WWC1: variants seen among roughly 807,000 people sequenced by gnomAD.
The protein encoded by WWC1 is protein KIBRA.
WWC1 carries 55 observed loss-of-function variants against 138.4 expected under a neutral mutation model. That is an observed-to-expected ratio of 0.40 (90% CI 0.32 to 0.50). WWC1 has a LOEUF of 0.50. Ranked by LOEUF, WWC1 falls within the 20% of genes least tolerant of loss-of-function variation. The pLI, the probability that WWC1 is intolerant of heterozygous loss-of-function variation, is 0.72. For missense variants in WWC1, 1,226 were observed against 1,420.4 expected (o/e 0.86, Z 2.20); for synonymous variants, 524 against 564.9 (o/e 0.93, Z 1.03).
At chr5:168,326,033 C>G (rs1772503826) in intron 1 of WWC1, among the ~76,000 whole-genome samples, 1 of 152,020 alleles carries the variant, frequency 6.6e-6, no homozygotes, top group Non-Finnish European at 1.5e-5. Context: ...ATGTTGATAT[C>G]ACATTTTGCT....
At chr5:168,412,723 G>GA (rs1341780423) in intron 8 of WWC1, among the ~76,000 whole-genome samples, 4 of 151,392 alleles carry the variant, frequency 2.6e-5, no homozygotes, top group African/African-American at 7.3e-5. Flanking sequence ...AAGTATCCAG[G>GA]AAAAAAAATT....
At chr5:168,300,950 C>T (rs1027590567) in intron 1 of WWC1, among the ~76,000 whole-genome samples, 4 of 152,190 alleles carry the variant, frequency 2.6e-5, no homozygotes, top group African/African-American at 7.2e-5. Context: ...CTTGGAGAGT[C>T]GGGCTGTGAG....
At chr5:168,428,681 ACTC>A (rs1196127926) in intron 12 of WWC1, 23 bp from the exon 13 acceptor site, 7 of 1,612,284 alleles carry the variant, frequency 4.3e-6, no homozygotes, top group Non-Finnish European at 5.9e-6. Context: ...GGGAAGCCTA[ACTC>A]CTCCTCCCCT....
rs566533175 is a variant in WWC1 at position 168,391,319 on chromosome 5, G to A, written c.433+5905G>A. On this transcript the variant is annotated intron_variant, in intron 3 of 22. Transcript: ENST00000265293. ...GGAGGCTGAAGTGGGAGGATCGCTTGAGCCCAGGAGTCCAGTCCAGGCAAC... is the reference window on the plus strand; with the variant it reads ...GGAGGCTGAAGTGGGAGGATCGCTTAAGCCCAGGAGTCCAGTCCAGGCAAC... Among the ~76,000 whole-genome samples, 800 of 152,242 alleles carry A rather than the reference G, an allele frequency of 5.3e-3. 5 individuals are homozygous for A. The highest frequency in any genetic ancestry group is 8.4e-3 in the Non-Finnish European group (569 of 68,010).
chr5:168,396,834 G>A (rs1234599524), intron 3 of WWC1, among the ~76,000 whole-genome samples: 4 of 152,086 alleles, frequency 2.6e-5, no homozygotes, highest in Non-Finnish European at 5.9e-5. Context: ...TGATAGAACC[G>A]TGGATATATA....
intron 18 of WWC1, among the ~76,000 whole-genome samples, chr5:168,454,352 G>A (rs527779835): frequency 1.5e-3 from 227 of 152,256 alleles, no homozygotes; most frequent in Non-Finnish European, 2.7e-3. Context: ...GCAGTCAGAC[G>A]GTTTGGGTTT....
At chr5:168,450,428 G>A (rs1755692809) in intron 17 of WWC1, among the ~76,000 whole-genome samples, 1 of 152,170 alleles carries the variant, frequency 6.6e-6, no homozygotes, top group Admixed American at 6.5e-5. Context: ...AGCACTTTGG[G>A]AGGCCGAGGT....
intron 17 of WWC1, among the ~76,000 whole-genome samples, chr5:168,452,930 A>G (rs917706566): frequency 1.3e-5 from 2 of 152,196 alleles, no homozygotes; most frequent in African/African-American, 4.8e-5. Flanking sequence ...TTAATGATAA[A>G]AAGGAGTGAA....
chr5:168,448,616 A>ATTTTTTTTTTTTTTT (rs756135846), intron 17 of WWC1, among the ~76,000 whole-genome samples: 1 of 117,616 alleles, frequency 8.5e-6, no homozygotes, highest in African/African-American at 3.5e-5. Context: ...CTCAAATAAG[A>ATTTTTTTTTTTTTTT]TTTTTTTTTT....
chr5:168,433,442 C>A (rs1202703457), intron 15 of WWC1, among the ~76,000 whole-genome samples: 1 of 152,242 alleles, frequency 6.6e-6, no homozygotes, highest in Admixed American at 6.5e-5. Flanking sequence ...TACAACACAG[C>A]ATCACTGCTA....
chr5:168,308,954 A>G (rs1770813389), intron 1 of WWC1, among the ~76,000 whole-genome samples: 1 of 152,030 alleles, frequency 6.6e-6, no homozygotes, highest in South Asian at 2.1e-4. Flanking sequence ...GTGCCCCTTT[A>G]CCTGAAGAAC....
At chr5:168,468,337 G>A (rs1361390820) in intron 22 of WWC1, among the ~76,000 whole-genome samples, 10 of 152,052 alleles carry the variant, frequency 6.6e-5, no homozygotes, top group Non-Finnish European at 1.5e-4. Flanking sequence ...CCTGCCACCT[G>A]CTAGGATCTC....
In WWC1 at chr5:168,425,253, C is replaced by T. The variant is rs189708678; in HGVS notation, c.1810+1185C>T. ...AGTTCAGCATGCACATTCATGCCAA[C>T]TCCTGGTGCTTGGGGCCCCACCAAC... On this transcript the variant is annotated intron_variant, in intron 11 of 22. Coordinates refer to ENST00000265293, the MANE Select transcript of WWC1 (RefSeq NM_015238.3). 1.2e-4 allele frequency among the ~76,000 whole-genome samples: 18 copies of T among 152,288 alleles called. No individual in the cohort carries two copies. The East Asian group carries it at 3.3e-3, about 28-fold the overall frequency.
rs530942483 is a variant in WWC1, at chr5:168,294,265, C to G, written c.119+1994C>G. On this transcript the variant is annotated intron_variant, in intron 1 of 22. Transcript: ENST00000265293. ...CAAATTTTAGTGTTACATGGACCACCTCCATGATTTTTTTTTGCTATATCC... is the reference window on the plus strand; with the variant it reads ...CAAATTTTAGTGTTACATGGACCACGTCCATGATTTTTTTTTGCTATATCC... 4.6e-5 allele frequency among the ~76,000 whole-genome samples: 7 copies of G among 152,212 alleles called. No homozygotes were observed. In the East Asian group the frequency reaches 1.2e-3, roughly 25 times the overall value.
intron 9 of WWC1, 173 bp downstream of exon 9, chr5:168,414,763 C>A (rs1230915681): frequency 3.0e-6 from 3 of 995,588 alleles, no homozygotes; most frequent in Non-Finnish European, 4.2e-6. Context: ...GATGGTTTGC[C>A]ATCCAGTGCG....
chr5:168,322,664 G>C (rs1420977004), intron 1 of WWC1, among the ~76,000 whole-genome samples: 1 of 152,130 alleles, frequency 6.6e-6, no homozygotes, highest in Non-Finnish European at 1.5e-5. Flanking sequence ...AATAACAGTG[G>C]CTTCAAGATA....
chr5:168,351,657 G>A (rs1170160799), intron 1 of WWC1, among the ~76,000 whole-genome samples: 1 of 152,196 alleles, frequency 6.6e-6, no homozygotes, highest in East Asian at 1.9e-4. Context: ...AGGCCTGGAT[G>A]CCTGCGGAGA....
intron 5 of WWC1, among the ~76,000 whole-genome samples, chr5:168,402,421 G>T (rs1779375892): frequency 6.6e-6 from 1 of 152,190 alleles, no homozygotes; most frequent in Non-Finnish European, 1.5e-5. Flanking sequence ...GGATTGTAAA[G>T]ATTGAATTGG....
intron 4 of WWC1, 21 bp from the exon 5 acceptor site, chr5:168,399,467 G>A (rs1346463687): frequency 6.2e-7 from 1 of 1,613,954 alleles, no homozygotes; most frequent in South Asian, 1.1e-5. Flanking sequence ...CCAGCCCTGT[G>A]TGTGGTCTGC....
Sources: gnomAD v4.1 joint callset for allele counts (sites outside exome capture counted in the v4.1 genomes callset) on GRCh38, gnomAD v4.1.1 for gene constraint, MANE v1.5 for transcripts, NCBI Gene and HGNC (gene_info 2026-07-23, HGNC 2026-07-21) for gene names.